MTMR7: variants seen among roughly 807,000 people sequenced by gnomAD.
MTMR7 encodes myotubularin related protein 7.
Under a neutral mutation model 81.2 loss-of-function variants are expected in MTMR7, and 76 were observed. The ratio of observed to expected loss-of-function variants is 0.94; its 90% confidence interval spans 0.78 to 1.13. The LOEUF (loss-of-function observed/expected upper bound fraction) is 1.13, where lower values mean the gene tolerates loss of function less well. MTMR7 is among the 50% of genes most tolerant of loss of function. The probability of loss-of-function intolerance (pLI) is 0.00; values close to 1 mark genes in which losing one functional copy is unlikely to be tolerated. For missense variants in MTMR7, 1,044 were observed against 820.0 expected, an observed-to-expected ratio of 1.27 and a Z score of -3.34; for synonymous variants, 372 against 289.8, an observed-to-expected ratio of 1.28 and a Z score of -2.88.
chr8:17,377,800 G>C (rs990756495), intron 1 of MTMR7, among the ~76,000 whole-genome samples: 1 of 152,044 alleles, frequency 6.6e-6, no homozygotes, highest in African/African-American at 2.4e-5. Flanking sequence ...TTTAAGGGAA[G>C]CATTTTCCAA....
At chr8:17,311,313 A>AT (rs142479339) in intron 9 of MTMR7, among the ~76,000 whole-genome samples, 198 bp downstream of exon 9, 121 of 152,270 alleles carry the variant, frequency 7.9e-4, no homozygotes, top group African/African-American at 2.8e-3. Context: ...TATCCCAGAA[A>AT]TTCATCTCTT....
Position 17,299,883 on chromosome 8 carries a change from T to TTCATCAGAA in MTMR7, c.1953_1961dup (p.Asp651_Asp653dup), listed in dbSNP as rs1243584269. 1 of 1,613,972 alleles carries TTCATCAGAA rather than the reference T, an allele frequency of 6.2e-7. No individual in the cohort carries two copies. The highest frequency in any genetic ancestry group is 1.3e-5 in the African/African-American group (1 of 74,920). On this transcript the variant is annotated inframe_insertion, in exon 14 of 14. Transcript: ENST00000180173. Reference sequence around the variant, plus strand: ...AACTTCAGGCAGTGAGAAACACGGCTTCATCAGAATCCCGGTCCTTGCCAC... The same window carrying TTCATCAGAA: ...AACTTCAGGCAGTGAGAAACACGGCTTCATCAGAATCATCAGAATCCCGGTCCTTGCCAC...
Position 17,371,128 on chromosome 8 carries a change from G to A in MTMR7, c.219C>T (p.Arg73=), listed in dbSNP as rs1170355789. The change falls in exon 3 of 14, where the codon CGC becomes CGT. Residue 73 remains arginine, a synonymous_variant. Coordinates refer to ENST00000180173, the MANE Select transcript of MTMR7 (RefSeq NM_004686.5). ...GCTGTATTATCTGAAAGTTCTTGCA[G>A]CGAATCAGCAGAGGGCATCCGGTAG... The part of the protein sequence containing the change: ...TTATGCPLLI[R]CKNFQIIQLI... 2.5e-6 allele frequency: 4 copies of A among 1,614,214 alleles called. No homozygotes were observed. Among genetic ancestry groups the A allele is most frequent in the Non-Finnish European group, 3.4e-6 (4 of 1,180,036 alleles).
intron 1 of MTMR7, among the ~76,000 whole-genome samples, chr8:17,411,089 T>C (rs1821723605): frequency 6.6e-6 from 1 of 152,258 alleles, no homozygotes; most frequent in Non-Finnish European, 1.5e-5. Flanking sequence ...TGTTGTTCTC[T>C]TTTTCATTTA....
At chr8:17,360,764 G>A (rs1820035218) in intron 4 of MTMR7, among the ~76,000 whole-genome samples, 1 of 151,956 alleles carries the variant, frequency 6.6e-6, no homozygotes, top group African/African-American at 2.4e-5. Flanking sequence ...TCCCTGACTT[G>A]CCCACTAATC....
rs185928232 is a variant in MTMR7, at chr8:17,376,130, T to C, written c.25-2890A>G. 1.4e-3 allele frequency among the ~76,000 whole-genome samples: 208 copies of C among 152,352 alleles called. 2 individuals carry two copies. The highest frequency in any genetic ancestry group is 7.7e-3 in the South Asian group (37 of 4,832). ...AAAATCAATTTACCCTCTGTCTCTA[T>C]AGATTTGCCTATTCTGAACATTTTG... On this transcript the variant is annotated intron_variant, in intron 1 of 13. Coordinates refer to ENST00000180173, the MANE Select transcript of MTMR7 (RefSeq NM_004686.5).
intron 7 of MTMR7, among the ~76,000 whole-genome samples, chr8:17,325,100 T>G (rs1216465116): frequency 6.6e-6 from 1 of 152,122 alleles, no homozygotes; most frequent in Non-Finnish European, 1.5e-5. Flanking sequence ...CGGAAGAATG[T>G]GTCGAGCAAA....
At chr8:17,399,286 G>A (rs905518963) in intron 1 of MTMR7, among the ~76,000 whole-genome samples, 2 of 152,136 alleles carry the variant, frequency 1.3e-5, no homozygotes, top group Non-Finnish European at 2.9e-5. Flanking sequence ...CTGTCAAGTT[G>A]CAAGATACGA....
chr8:17,413,236 C>G, intron 1 of MTMR7, 33 bp downstream of exon 1: 1 of 1,547,338 alleles, frequency 6.5e-7, no homozygotes. Flanking sequence ...CATCTCCTCC[C>G]GTCCCTCCTC....
chr8:17,331,069 T>TA, intron 7 of MTMR7, 81 bp downstream of exon 7: 1 of 1,501,902 alleles, frequency 6.7e-7, no homozygotes, highest in Non-Finnish European at 8.9e-7. Context: ...AAAAACATTT[T>TA]AAAATCAAGA....
chr8:17,314,932 T>C (rs1256329791), intron 7 of MTMR7, among the ~76,000 whole-genome samples: 4 of 152,102 alleles, frequency 2.6e-5, no homozygotes, highest in East Asian at 1.9e-4. Context: ...ATGTGTCTGA[T>C]AAAGTACATG....
At chr8:17,365,343 G>A (rs1171383984) in intron 3 of MTMR7, among the ~76,000 whole-genome samples, 1 of 152,068 alleles carries the variant, frequency 6.6e-6, no homozygotes, top group East Asian at 1.9e-4. Context: ...TGGCTTCCAA[G>A]TCTTTTCTTC....
chr8:17,400,418 T>C (rs1429316045), intron 1 of MTMR7, among the ~76,000 whole-genome samples: 1 of 152,182 alleles, frequency 6.6e-6, no homozygotes, highest in Non-Finnish European at 1.5e-5. Context: ...GTGTGTGTTC[T>C]TAACAACTCT....
chr8:17,389,719 G>A (rs1305670822), intron 1 of MTMR7, among the ~76,000 whole-genome samples: 1 of 152,036 alleles, frequency 6.6e-6, no homozygotes, highest in Non-Finnish European at 1.5e-5. Flanking sequence ...ATTCAGCTGT[G>A]GAAGATGTTG....
At chr8:17,373,292 C>T in intron 1 of MTMR7, 52 bp from the exon 2 acceptor site, 2 of 1,562,406 alleles carry the variant, frequency 1.3e-6, no homozygotes, top group South Asian at 2.4e-5. Context: ...AAGAGCAATT[C>T]ACGAAATAAA....
rs1424493048 is a variant in MTMR7, at chr8:17,302,120, C to T, written c.1620+34G>A. Reference sequence around the variant, plus strand: ...AGCCTTGCTCTTCAAGAAATAAGCACAGAAAATAGATTAACAAAGCAAGTA... The same window carrying T: ...AGCCTTGCTCTTCAAGAAATAAGCATAGAAAATAGATTAACAAAGCAAGTA... On this transcript the variant is annotated intron_variant, in intron 13 of 13. Transcript: ENST00000180173. 1.9e-6 allele frequency: 3 copies of T among 1,613,402 alleles called. No homozygotes were observed. In the Admixed American group the frequency reaches 5.0e-5, roughly 27 times the overall value.
At chr8:17,360,901 G>C (rs1820039399) in intron 4 of MTMR7, among the ~76,000 whole-genome samples, 2 of 152,258 alleles carry the variant, frequency 1.3e-5, no homozygotes, top group South Asian at 4.1e-4. Flanking sequence ...GTGAGATGAA[G>C]GGTCTGGAAG....
intron 7 of MTMR7, among the ~76,000 whole-genome samples, chr8:17,314,985 A>AAAT (rs1157948723): frequency 3.3e-5 from 5 of 152,222 alleles, no homozygotes; most frequent in African/African-American, 1.2e-4. Flanking sequence ...GGCCAGTGAA[A>AAAT]AATACACACA....
At chr8:17,329,706 T>C (rs887967600) in intron 7 of MTMR7, among the ~76,000 whole-genome samples, 2 of 152,202 alleles carry the variant, frequency 1.3e-5, no homozygotes, top group African/African-American at 2.4e-5. Flanking sequence ...TCAGACTGCC[T>C]TTCCAATAAC....
Sources: allele counts gnomAD v4.1 joint callset (sites outside exome capture counted in the v4.1 genomes callset), GRCh38; gene constraint gnomAD v4.1.1; transcripts MANE v1.5; gene names NCBI Gene and HGNC (gene_info 2026-07-23, HGNC 2026-07-21).